KLHL29: variants seen among roughly 807,000 people sequenced by gnomAD.
The protein encoded by KLHL29 is kelch like family member 29, also known as kelch-like protein 29.
KLHL29 carries 21 observed loss-of-function variants against 80.4 expected under a neutral mutation model. The observed-to-expected ratio is 0.26, with a 90% confidence interval of 0.19 to 0.38. The LOEUF (loss-of-function observed/expected upper bound fraction) is 0.38. KLHL29 is among the 10% of genes least tolerant of loss of function. The pLI, the probability that KLHL29 is intolerant of heterozygous loss-of-function variation, is 1.00. For missense variants in KLHL29, 867 were observed against 1,223.9 expected (o/e 0.71, Z 4.35); for synonymous variants, 511 against 526.8 (o/e 0.97, Z 0.41).
intron 2 of KLHL29, among the ~76,000 whole-genome samples, chr2:23,507,901 G>T (rs556536368): frequency 6.6e-6 from 1 of 152,276 alleles, no homozygotes; most frequent in African/African-American, 2.4e-5. Flanking sequence ...GTTATCTTTG[G>T]CCACTTACAT....
At chr2:23,418,661 G>A (rs563961743) in intron 1 of KLHL29, among the ~76,000 whole-genome samples, 2 of 152,296 alleles carry the variant, frequency 1.3e-5, no homozygotes, top group South Asian at 2.1e-4. Context: ...AAGCCTGGAC[G>A]CCAGCAGTGA....
intron 2 of KLHL29, among the ~76,000 whole-genome samples, chr2:23,487,724 C>T (rs746931954): frequency 1.3e-5 from 2 of 152,154 alleles, no homozygotes; most frequent in Non-Finnish European, 2.9e-5. Context: ...ACATTGTTGG[C>T]CCCTGTATTA....
chr2:23,679,611 GAT>G (rs138101669), intron 5 of KLHL29, among the ~76,000 whole-genome samples: 1 of 142,340 alleles, frequency 7.0e-6, no homozygotes, highest in African/African-American at 2.5e-5. Flanking sequence ...CATCACACCA[GAT>G]ATATATATAT....
At chr2:23,393,953 G>C (rs568004499) in intron 1 of KLHL29, among the ~76,000 whole-genome samples, 14 of 152,288 alleles carry the variant, frequency 9.2e-5, no homozygotes, top group African/African-American at 3.4e-4. Context: ...CAAGCATGAG[G>C]CTTCCTCTTC....
intron 3 of KLHL29, among the ~76,000 whole-genome samples, chr2:23,580,091 C>A (rs1481163060): frequency 6.6e-6 from 1 of 152,244 alleles, no homozygotes; most frequent in Non-Finnish European, 1.5e-5. Context: ...CTAGACCAGG[C>A]CGGGCGCGGT....
chr2:23,594,691 T>C (rs1668354111), intron 3 of KLHL29, among the ~76,000 whole-genome samples: 1 of 152,194 alleles, frequency 6.6e-6, no homozygotes, highest in Non-Finnish European at 1.5e-5. Context: ...GGAATTAAAG[T>C]AGAATAATGA....
intron 5 of KLHL29, among the ~76,000 whole-genome samples, chr2:23,651,532 C>T (rs1310514190): frequency 6.6e-6 from 1 of 152,202 alleles, no homozygotes; most frequent in Admixed American, 6.5e-5. Flanking sequence ...GCGTGTCTTC[C>T]CTGGTCATGC....
At chr2:23,654,027 T>A (rs1048244861) in intron 5 of KLHL29, among the ~76,000 whole-genome samples, 2 of 151,554 alleles carry the variant, frequency 1.3e-5, no homozygotes, top group Non-Finnish European at 2.9e-5. Context: ...ATTAGCCGGG[T>A]GTGGTGATGG....
chr2:23,434,345 A>AT (rs1434660682), intron 1 of KLHL29, among the ~76,000 whole-genome samples: 1 of 148,580 alleles, frequency 6.7e-6, no homozygotes, highest in African/African-American at 2.5e-5. Flanking sequence ...AAAAAAAAAA[A>AT]GCTAGGCTCC....
At chr2:23,612,429 A>T (rs183204674) in intron 3 of KLHL29, among the ~76,000 whole-genome samples, 117 of 152,336 alleles carry the variant, frequency 7.7e-4, no homozygotes, top group African/African-American at 2.7e-3. Context: ...AAAAGTTCAG[A>T]CAAACAGTGA....
chr2:23,566,432 C>T (rs1667591251), intron 3 of KLHL29, among the ~76,000 whole-genome samples: 1 of 152,262 alleles, frequency 6.6e-6, no homozygotes, highest in Admixed American at 6.5e-5. Context: ...AGCTCCTCTT[C>T]CCACTCCAGG....
chr2:23,433,927 A>G (rs140097102), intron 1 of KLHL29, among the ~76,000 whole-genome samples: 2 of 152,054 alleles, frequency 1.3e-5, no homozygotes, highest in Non-Finnish European at 2.9e-5. Context: ...TCTAAGAGAA[A>G]AAATGAACAG....
intron 1 of KLHL29, among the ~76,000 whole-genome samples, chr2:23,402,832 G>A (rs1256980122): frequency 6.6e-6 from 1 of 151,090 alleles, no homozygotes; most frequent in Admixed American, 6.6e-5. Flanking sequence ...TAATACATGT[G>A]TGTCCCTGAT....
intron 3 of KLHL29, among the ~76,000 whole-genome samples, chr2:23,629,749 TC>T (rs1669421035): frequency 6.6e-6 from 1 of 152,194 alleles, no homozygotes; most frequent in South Asian, 2.1e-4. Context: ...CAAACATACT[TC>T]CAGGATACTA....
chr2:23,559,106 CTG>C (rs1667375861), intron 2 of KLHL29, among the ~76,000 whole-genome samples: 1 of 152,292 alleles, frequency 6.6e-6, no homozygotes, highest in African/African-American at 2.4e-5. Flanking sequence ...GGGTCATAGG[CTG>C]TAGCCGGGGG....
intron 3 of KLHL29, among the ~76,000 whole-genome samples, chr2:23,566,644 C>T (rs868470504): frequency 9.2e-5 from 14 of 152,220 alleles, no homozygotes; most frequent in African/African-American, 3.1e-4. Context: ...GAGCTTCAAG[C>T]TTTTGAGTCT....
intron 1 of KLHL29, among the ~76,000 whole-genome samples, chr2:23,434,181 C>T (rs1418598513): frequency 1.3e-5 from 2 of 151,908 alleles, no homozygotes; most frequent in East Asian, 1.9e-4. Flanking sequence ...ATTAGCCGGG[C>T]GTGTTGGCGG....
chr2:23,442,923 C>T (rs1029710873), intron 1 of KLHL29, among the ~76,000 whole-genome samples: 8 of 152,056 alleles, frequency 5.3e-5, no homozygotes, highest in African/African-American at 1.9e-4. Flanking sequence ...TTATGGATGC[C>T]TTACAGTCTT....
At chr2:23,685,706 G>A (rs781763273) in intron 6 of KLHL29, among the ~76,000 whole-genome samples, 2 of 152,184 alleles carry the variant, frequency 1.3e-5, no homozygotes, top group Non-Finnish European at 2.9e-5. Context: ...TCCTGCCCCC[G>A]GTGCTTGGGC....
Sources: allele counts gnomAD v4.1 joint callset (sites outside exome capture counted in the v4.1 genomes callset), GRCh38; gene constraint gnomAD v4.1.1; transcripts MANE v1.5; gene names NCBI Gene and HGNC (gene_info 2026-07-23, HGNC 2026-07-21).